TNS1: variants seen among roughly 807,000 people sequenced by gnomAD.
The protein encoded by TNS1 is tensin 1.
A neutral mutation model predicts 168.6 loss-of-function variants in TNS1; 62 were observed. The observed-to-expected ratio is 0.37, with a 90% CI of 0.30 to 0.45. TNS1 has a LOEUF of 0.45. Among genes scored for constraint, TNS1 ranks in the 20% least tolerant of loss-of-function variants. The pLI, the probability that TNS1 is intolerant of heterozygous loss-of-function variation, is 1.00. For synonymous variants in TNS1, 934 were observed against 933.2 expected (o/e 1.00, Z -0.02); for missense variants, 2,240 against 2,339.4 (o/e 0.96, Z 0.88).
Position 217,818,116 on chromosome 2 carries a change from G to A in TNS1, c.4216C>T (p.Arg1406Cys), listed in dbSNP as rs555032914. 7.4e-5 allele frequency: 120 copies of A among 1,613,916 alleles called. No individual in the cohort carries two copies. Among genetic ancestry groups the A allele is most frequent in the East Asian group, 4.5e-4 (20 of 44,878 alleles). ...IASPGSPSLG[R>C]HLGGSGSVVP... ...ACAGATCCAGACCCTCCGAGGTGACGGCCCAGGCTGGGGCTTCCAGGGCTG... is the reference window on the plus strand; with the variant it reads ...ACAGATCCAGACCCTCCGAGGTGACAGCCCAGGCTGGGGCTTCCAGGGCTG... The change falls in exon 24 of 33, where the codon CGT becomes TGT. Residue 1406 changes from arginine to cysteine, a missense_variant. Physicochemically the swap from Arg to Cys is radical, Grantham distance 180 (BLOSUM62 -3). Around this residue, in one of 2 missense-constraint regions of TNS1, gnomAD observed 2,131 missense variants for 2,171.2 expected, o/e 0.98. Coordinates refer to ENST00000682258, the MANE Select transcript of TNS1 (RefSeq NM_001387777.1).
intron 2 of TNS1, among the ~76,000 whole-genome samples, chr2:217,989,030 G>A (rs1958281321): frequency 3.3e-5 from 5 of 152,212 alleles, no homozygotes; most frequent in Admixed American, 2.6e-4. Flanking sequence ...AAGCCAGGGA[G>A]AGAAAGACTC....
intron 3 of TNS1, among the ~76,000 whole-genome samples, chr2:217,966,378 C>T (rs1957641778): frequency 6.6e-6 from 1 of 151,744 alleles, no homozygotes; most frequent in Admixed American, 6.6e-5. Flanking sequence ...GAAGTTAAAG[C>T]TTCTTGCAAA....
chr2:217,844,415 C>T (rs530915649), intron 19 of TNS1, among the ~76,000 whole-genome samples: 3 of 152,128 alleles, frequency 2.0e-5, no homozygotes, highest in Admixed American at 6.5e-5. Flanking sequence ...ATGCAAGCTC[C>T]TTAGTCCGGT....
chr2:217,873,738 T>C (rs1196847982), intron 18 of TNS1, among the ~76,000 whole-genome samples: 1 of 152,138 alleles, frequency 6.6e-6, no homozygotes, highest in African/African-American at 2.4e-5. Flanking sequence ...GAAAGACTTT[T>C]GGGCAGTTGG....
intron 3 of TNS1, among the ~76,000 whole-genome samples, chr2:217,976,181 C>T (rs1044406792): frequency 6.6e-6 from 1 of 152,170 alleles, no homozygotes; most frequent in Non-Finnish European, 1.5e-5. Flanking sequence ...CTATTTAGTG[C>T]CTGTCTCCCC....
chr2:217,919,298 C>T (rs1575079138), intron 4 of TNS1, among the ~76,000 whole-genome samples: 1 of 152,200 alleles, frequency 6.6e-6, no homozygotes, highest in Admixed American at 6.5e-5. Flanking sequence ...GTGTGAGGTA[C>T]CTACAACTGC....
intron 3 of TNS1, among the ~76,000 whole-genome samples, chr2:217,952,465 G>A (rs545776523): frequency 8.8e-4 from 134 of 151,860 alleles, no homozygotes; most frequent in African/African-American, 2.9e-3. Context: ...TGACTCTCCC[G>A]CGCCACACAC....
chr2:217,955,526 C>T (rs1957340773), intron 3 of TNS1, among the ~76,000 whole-genome samples: 1 of 152,140 alleles, frequency 6.6e-6, no homozygotes, highest in South Asian at 2.1e-4. Flanking sequence ...AGTGCCCGTC[C>T]ACCACCAGTC....
intron 3 of TNS1, among the ~76,000 whole-genome samples, chr2:217,934,785 G>C (rs1467843304): frequency 2.0e-5 from 3 of 152,208 alleles, no homozygotes; most frequent in African/African-American, 7.2e-5. Flanking sequence ...CAGCATTTCA[G>C]ATGGCATCCC....
intron 1 of TNS1, among the ~76,000 whole-genome samples, chr2:217,997,563 A>G (rs1171069505): frequency 6.6e-6 from 1 of 152,152 alleles, no homozygotes; most frequent in African/African-American, 2.4e-5. Flanking sequence ...GAGGAATATG[A>G]TTACCTTAGT....
intron 18 of TNS1, among the ~76,000 whole-genome samples, chr2:217,872,838 C>T (rs1377255184): frequency 1.3e-5 from 2 of 152,144 alleles, no homozygotes; most frequent in African/African-American, 2.4e-5. Context: ...ATGGTATGGC[C>T]TACAATAGAA....
chr2:217,847,505 C>A lies in TNS1; in HGVS notation c.3007+5G>T, dbSNP rs771678976. 6.9e-7 allele frequency: 1 copy of A among 1,457,950 alleles called. No homozygotes were observed. The highest frequency in any genetic ancestry group is 1.7e-5 in the South Asian group (1 of 59,832). 90.3% of individuals were successfully genotyped at this position (1,457,950 alleles called of 1,614,324 possible). ...TAGAAGGAGTCAGGACTGAATACCT[C>A]TTACCTGCTACCCTGTGGGCCACCA... On this transcript the variant is annotated splice_donor_5th_base_variant and intron_variant, in intron 19 of 32. Transcript: ENST00000682258.
intron 2 of TNS1, among the ~76,000 whole-genome samples, chr2:217,981,342 G>T (rs1409937224): frequency 1.3e-5 from 2 of 152,210 alleles, no homozygotes; most frequent in Non-Finnish European, 2.9e-5. Context: ...GTGCTCTCTC[G>T]GGTAGGCACC....
At chr2:217,913,715 T>A (rs1954687056) in intron 4 of TNS1, among the ~76,000 whole-genome samples, 1 of 151,990 alleles carries the variant, frequency 6.6e-6, no homozygotes. Flanking sequence ...TTCCCCAGTG[T>A]GGTTTGTGGA....
intron 22 of TNS1, among the ~76,000 whole-genome samples, chr2:217,826,248 C>T (rs1319797424): frequency 6.6e-6 from 1 of 152,190 alleles, no homozygotes; most frequent in Non-Finnish European, 1.5e-5. Context: ...ATTTGATTTC[C>T]TGAGTTCATC....
At chr2:217,978,514 G>T (rs1033848988) in intron 3 of TNS1, among the ~76,000 whole-genome samples, 3 of 138,042 alleles carry the variant, frequency 2.2e-5, no homozygotes, top group Non-Finnish European at 4.6e-5. Flanking sequence ...CCCGGTAACC[G>T]CCCAGATTGC....
intron 21 of TNS1, among the ~76,000 whole-genome samples, chr2:217,833,655 C>T (rs73074348): frequency 0.016 from 2,446 of 152,372 alleles, 79 homozygotes; most frequent in African/African-American, 0.055. Flanking sequence ...CTGGCTCTCA[C>T]GTAACCTGCT....
At position 217,879,257 on chromosome 2, in the gene TNS1, C is replaced by T. The variant is rs935460763; in HGVS notation, c.1429+1641G>A. The T allele has an allele frequency of 7.4e-5, 24 of 326,278 alleles. 1 individual carries two copies. Among genetic ancestry groups the T allele is most frequent in the South Asian group, 3.5e-4 (16 of 46,062 alleles). 20.2% of individuals were successfully genotyped at this position (326,278 alleles called of 1,614,324 possible). Reference sequence around the variant, plus strand: ...GTTTTTACATTTATCATCGCATTGACCATGCACCAAGAAGAGATGGAGAGA... The same window carrying T: ...GTTTTTACATTTATCATCGCATTGATCATGCACCAAGAAGAGATGGAGAGA... On this transcript the variant is annotated intron_variant, in intron 18 of 32. Transcript: ENST00000682258.
intron 18 of TNS1, among the ~76,000 whole-genome samples, chr2:217,867,258 A>G (rs1275123725): frequency 5.9e-5 from 9 of 152,324 alleles, no homozygotes; most frequent in Admixed American, 2.0e-4. Context: ...AGTCCTTATG[A>G]AGGCCAATCT....
Sources: gnomAD v4.1 joint callset for allele counts (sites outside exome capture counted in the v4.1 genomes callset) on GRCh38, gnomAD v4.1.1 for gene constraint, gnomAD v4.1.1 regional missense constraint, MANE v1.5 for transcripts, NCBI Gene and HGNC (gene_info 2026-07-23, HGNC 2026-07-21) for gene names.